DNAH9: variants seen among roughly 807,000 people sequenced by gnomAD.
The protein encoded by DNAH9 is DNAH9 variant protein.
A neutral mutation model predicts 471.6 loss-of-function variants in DNAH9; 345 were observed. The observed-to-expected ratio is 0.73, with a 90% CI of 0.67 to 0.80. The LOEUF (loss-of-function observed/expected upper bound fraction) is 0.80. Among genes scored for constraint, DNAH9 ranks in the 30% least tolerant of loss-of-function variants. The pLI is 0.00. For missense variants in DNAH9, 5,407 were observed against 5,609.2 expected, an observed-to-expected ratio of 0.96 and a Z score of 1.15; for synonymous variants, 2,093 against 2,123.6, an observed-to-expected ratio of 0.99 and a Z score of 0.40.
At chr17:11,743,679 C>T (rs1387712442) in intron 30 of DNAH9, among the ~76,000 whole-genome samples, 1 of 152,170 alleles carries the variant, frequency 6.6e-6, no homozygotes, top group Non-Finnish European at 1.5e-5. Flanking sequence ...TTCTCACTTG[C>T]CTTGACTGCA....
chr17:11,665,021 C>CA, intron 15 of DNAH9, 53 bp downstream of exon 15: 1 of 1,530,062 alleles, frequency 6.5e-7, no homozygotes, highest in Non-Finnish European at 9.0e-7. Flanking sequence ...ACAACAGTAA[C>CA]ATTTGTTGAA....
chr17:11,822,629 G>T (rs1970347917), intron 47 of DNAH9, 30 bp downstream of exon 47: 4 of 1,612,214 alleles, frequency 2.5e-6, no homozygotes, highest in Non-Finnish European at 2.5e-6. Context: ...ACTCCTAAAA[G>T]TCCTTCCCAG....
chr17:11,949,228 A>G (rs1355490612), intron 67 of DNAH9, among the ~76,000 whole-genome samples: 1 of 152,156 alleles, frequency 6.6e-6, no homozygotes, highest in Non-Finnish European at 1.5e-5. Context: ...CCTATCCTGA[A>G]AAGGGGCCAC....
At chr17:11,637,818 A>T (rs1026493324) in intron 9 of DNAH9, among the ~76,000 whole-genome samples, 2 of 152,096 alleles carry the variant, frequency 1.3e-5, no homozygotes, top group African/African-American at 4.8e-5. Flanking sequence ...GCAAAGATGC[A>T]TTGTGGATGG....
intron 32 of DNAH9, 47 bp downstream of exon 32, chr17:11,747,813 T>A: frequency 6.5e-7 from 1 of 1,534,606 alleles, no homozygotes; most frequent in Non-Finnish European, 9.0e-7. Context: ...AGCCTCAGAG[T>A]CCCTGTGGCG....
intron 36 of DNAH9, among the ~76,000 whole-genome samples, chr17:11,766,974 A>C (rs1967969392): frequency 6.7e-6 from 1 of 150,362 alleles, no homozygotes; most frequent in Non-Finnish European, 1.5e-5. Flanking sequence ...GTCTCAAAAA[A>C]AAAAAAAAAA....
chr17:11,879,483 T>G (rs1232539791), intron 53 of DNAH9, among the ~76,000 whole-genome samples: 1 of 152,182 alleles, frequency 6.6e-6, no homozygotes, highest in Non-Finnish European at 1.5e-5. Context: ...ATATCAGTCT[T>G]ATAAATTATT....
intron 59 of DNAH9, among the ~76,000 whole-genome samples, chr17:11,900,718 A>G (rs776821284): frequency 1.3e-5 from 2 of 152,144 alleles, no homozygotes; most frequent in African/African-American, 4.8e-5. Flanking sequence ...AAAAGAATGA[A>G]CGAATGAATG....
intron 57 of DNAH9, among the ~76,000 whole-genome samples, chr17:11,888,281 T>C (rs1169751839): frequency 6.6e-6 from 1 of 152,088 alleles, no homozygotes; most frequent in Non-Finnish European, 1.5e-5. Flanking sequence ...CTGCACCCGG[T>C]CCCATATTTT....
At chr17:11,940,471 T>A (rs12940221) in intron 66 of DNAH9, among the ~76,000 whole-genome samples, 36,725 of 151,750 alleles carry the variant, frequency 0.24, 5,299 homozygotes, top group Middle Eastern at 0.33. Context: ...CAGAGAAAAA[T>A]ATATATATAA....
intron 9 of DNAH9, among the ~76,000 whole-genome samples, chr17:11,638,045 T>C (rs1349251669): frequency 6.6e-6 from 1 of 152,202 alleles, no homozygotes; most frequent in African/African-American, 2.4e-5. Context: ...AGACATTCAT[T>C]CGGCCATGGC....
intron 28 of DNAH9, among the ~76,000 whole-genome samples, chr17:11,730,933 GTGATGACGGTGATGATGA>G (rs1331845226): frequency 9.3e-6 from 1 of 107,648 alleles, no homozygotes; most frequent in East Asian, 3.2e-4. Context: ...GGTGGTGGTG[GTGATGACGGTGATGATGA>G]TGATGGTGGT....
intron 33 of DNAH9, 27 bp downstream of exon 33, chr17:11,752,987 T>C: frequency 6.6e-7 from 1 of 1,524,380 alleles, no homozygotes; most frequent in East Asian, 2.3e-5. Flanking sequence ...TATCCCTAGA[T>C]CATTTCTAAT....
chr17:11,842,819 C>T (rs1971076583), intron 49 of DNAH9, among the ~76,000 whole-genome samples: 1 of 152,182 alleles, frequency 6.6e-6, no homozygotes, highest in Non-Finnish European at 1.5e-5. Flanking sequence ...GGGTCTGCCT[C>T]TCCCAGTCCA....
intron 15 of DNAH9, among the ~76,000 whole-genome samples, chr17:11,666,707 TC>T (rs2073874766): frequency 6.6e-6 from 1 of 152,136 alleles, no homozygotes; most frequent in South Asian, 2.1e-4. Flanking sequence ...TCATCCTAGG[TC>T]CACCTTACCA....
intron 14 of DNAH9, among the ~76,000 whole-genome samples, chr17:11,664,048 C>T (rs1355108681): frequency 6.6e-6 from 1 of 152,170 alleles, no homozygotes; most frequent in Non-Finnish European, 1.5e-5. Flanking sequence ...GTTACGTCTG[C>T]AAGTTAGTTC....
chr17:11,762,086 T>A (rs990578972), intron 35 of DNAH9, among the ~76,000 whole-genome samples: 1 of 152,090 alleles, frequency 6.6e-6, no homozygotes. Flanking sequence ...CATCAAGGAG[T>A]CAGTCTTCTC....
At chr17:11,736,148 C>G (rs1441255570) in intron 28 of DNAH9, among the ~76,000 whole-genome samples, 14 of 152,184 alleles carry the variant, frequency 9.2e-5, no homozygotes, top group Non-Finnish European at 4.4e-5. Context: ...TGCCTTCTGC[C>G]TCAGTTTCTT....
chr17:11,865,114 G>A (rs1262759256), intron 50 of DNAH9, among the ~76,000 whole-genome samples: 1 of 152,166 alleles, frequency 6.6e-6, no homozygotes. Flanking sequence ...TTTCTTCCTA[G>A]TCTCAATGGT....
Sources: gnomAD v4.1 joint callset for allele counts (sites outside exome capture counted in the v4.1 genomes callset) on GRCh38, gnomAD v4.1.1 for gene constraint, MANE v1.5 for transcripts, NCBI Gene and HGNC (gene_info 2026-07-23, HGNC 2026-07-21) for gene names.